KLF7: variants seen among roughly 807,000 people sequenced by gnomAD.
The protein encoded by KLF7 is KLF transcription factor 7, also known as Krueppel-like factor 7.
KLF7 carries 2 observed loss-of-function variants against 27.3 expected under a neutral mutation model. The ratio of observed to expected loss-of-function variants is 0.07; its 90% CI spans 0.03 to 0.23. KLF7 has a LOEUF of 0.23. KLF7 is among the 10% of genes least tolerant of loss of function. The probability of loss-of-function intolerance (pLI) is 1.00; values close to 1 mark genes in which losing one functional copy is unlikely to be tolerated. For missense variants in KLF7, 221 were observed against 394.1 expected, an observed-to-expected ratio of 0.56 and a Z score of 3.72; for synonymous variants, 165 against 162.4, an observed-to-expected ratio of 1.02 and a Z score of -0.12.
intron 2 of KLF7, among the ~76,000 whole-genome samples, chr2:207,119,672 T>C (rs2077283724): frequency 6.6e-6 from 1 of 152,294 alleles, no homozygotes. Flanking sequence ...CTAGGTGCTC[T>C]TCCCAATGAA....
At position 207,080,717 on chromosome 2, in the gene KLF7, C is replaced by T; in HGVS notation, c.*496G>A. On this transcript the variant is annotated 3_prime_UTR_variant, in exon 4 of 4. Coordinates refer to ENST00000309446, the MANE Select transcript of KLF7 (RefSeq NM_003709.4). ...GCAATTTGGTTTTCTAGGTCATTTT[C>T]CCCCAACTATTTAAAAAGAAACATT... 1 of 397,938 alleles carries T rather than the reference C, an allele frequency of 2.5e-6. No individual in the cohort carries two copies. The highest frequency in any genetic ancestry group is 3.6e-5 in the East Asian group (1 of 28,066). The allele number at this position is 397,938 out of a possible 1,614,324, so 24.7% of individuals were successfully genotyped here.
At chr2:207,156,393 C>G (rs1236652881) in intron 1 of KLF7, among the ~76,000 whole-genome samples, 1 of 152,210 alleles carries the variant, frequency 6.6e-6, no homozygotes, top group Non-Finnish European at 1.5e-5. Context: ...TCTTTATAAA[C>G]AGAGTCTACT....
intron 2 of KLF7, among the ~76,000 whole-genome samples, chr2:207,119,655 G>T (rs957856466): frequency 6.6e-6 from 1 of 152,128 alleles, no homozygotes; most frequent in African/African-American, 2.4e-5. Flanking sequence ...TTACACTCAT[G>T]CCAACACTAG....
chr2:207,157,416 G>A (rs1466304099), intron 1 of KLF7, among the ~76,000 whole-genome samples: 1 of 105,236 alleles, frequency 9.5e-6, no homozygotes, highest in East Asian at 5.8e-4. Context: ...AGGAAGGGGA[G>A]AGGGAGGAAG....
chr2:207,086,976 T>C (rs990424860), intron 3 of KLF7, among the ~76,000 whole-genome samples: 10 of 152,318 alleles, frequency 6.6e-5, no homozygotes, highest in Middle Eastern at 3.4e-3. Flanking sequence ...GGCTTCTTTA[T>C]TAGCCAGAGT....
rs2105988750 is a variant in KLF7, at chr2:207,124,251, C to T, written c.256G>A (p.Ala86Thr). ...RLDPLLLPVE[A>T]AICEKSSAVD... ...GCCGAGCTCTTCTCACAGATGGCCG[C>T]TTCCACGGGGAGCAGCAGGGGGTCT... The change falls in exon 2 of 4, where the codon GCG (alanine) becomes ACG (threonine). Residue 86 changes from alanine to threonine, a missense_variant. By Grantham distance (58) the Ala-to-Thr change is moderately conservative (BLOSUM62 0). This residue lies in a region of KLF7 where 180 missense variants were observed against 227.9 expected (regional missense o/e 0.79). Transcript: ENST00000309446. 6.2e-7 allele frequency: 1 copy of T among 1,614,096 alleles called. No homozygotes were observed. The highest frequency in any genetic ancestry group is 2.2e-5 in the East Asian group (1 of 44,862).
At chr2:207,153,385 T>A (rs2078297696) in intron 1 of KLF7, among the ~76,000 whole-genome samples, 1 of 152,088 alleles carries the variant, frequency 6.6e-6, no homozygotes, top group Non-Finnish European at 1.5e-5. Context: ...AGGTTCAGAG[T>A]CAGACATTTT....
At chr2:207,166,777 C>T (rs972871976), upstream of KLF7, 5 of 990,478 alleles carry the variant, frequency 5.0e-6, no homozygotes, top group Admixed American at 6.1e-5. Context: ...GCAGAAAAGG[C>T]ATCCAGGGCC....
At chr2:207,124,995 A>G (rs2077442467) in intron 1 of KLF7, among the ~76,000 whole-genome samples, 1 of 152,216 alleles carries the variant, frequency 6.6e-6, no homozygotes, top group Non-Finnish European at 1.5e-5. Flanking sequence ...TGTTCTAAAG[A>G]ATGTCTACCA....
At chr2:207,089,707 G>C (rs1449681798) in intron 2 of KLF7, among the ~76,000 whole-genome samples, 2 of 152,004 alleles carry the variant, frequency 1.3e-5, no homozygotes, top group African/African-American at 2.4e-5. Flanking sequence ...ACCTCTGTGT[G>C]TCTCTGTTTT....
At position 207,075,284 on chromosome 2, in the gene KLF7, AAAT is replaced by A. The variant is rs1258225141; in HGVS notation, c.*5926_*5928del. 3 of 151,230 alleles carry A rather than the reference AAAT, an allele frequency of 2.0e-5. No individual in the cohort carries two copies. Among genetic ancestry groups the A allele is most frequent in the East Asian group, 1.9e-4 (1 of 5,188 alleles). 9.4% of individuals were successfully genotyped at this position (151,230 alleles called of 1,614,324 possible). On this transcript the variant is annotated 3_prime_UTR_variant, in exon 4 of 4. Transcript: ENST00000309446. ...TTAACATACCACCATCATATAATACAAATAATAGTTTTAAATCTTAAGACTTTT... is the reference window on the plus strand; with the variant it reads ...TTAACATACCACCATCATATAATACAAATAGTTTTAAATCTTAAGACTTTT...
intron 1 of KLF7, among the ~76,000 whole-genome samples, chr2:207,138,260 T>C (rs1326964426): frequency 1.3e-5 from 2 of 152,226 alleles, no homozygotes; most frequent in Non-Finnish European, 2.9e-5. Context: ...GAAAATCTAA[T>C]TTCCAATCCA....
rs1459193946 is a variant in KLF7, at chr2:207,124,040, G to A, written c.467C>T (p.Ser156Phe). 6.2e-7 allele frequency: 1 copy of A among 1,614,202 alleles called. No homozygotes were observed. Among genetic ancestry groups the A allele is most frequent in the Admixed American group, 1.7e-5 (1 of 60,024 alleles). ...CAACGTCACCGTGCCATCCACGGCA[G>A]AGAGAGTTTGTGAGGTTTTGACCAG... Reference protein sequence around the residue: ...RHLVKTSQTLSAVDGTVTLKL... With the variant: ...RHLVKTSQTLFAVDGTVTLKL... Residue 156 changes from serine to phenylalanine, a missense_variant, in exon 2 of 4, where the codon TCT (serine) becomes TTT (phenylalanine). Coordinates refer to ENST00000309446, the MANE Select transcript of KLF7 (RefSeq NM_003709.4).
At chr2:207,108,182 A>G (rs751645941) in intron 2 of KLF7, among the ~76,000 whole-genome samples, 3 of 152,208 alleles carry the variant, frequency 2.0e-5, no homozygotes. Context: ...CACACCAGGA[A>G]AACCACAAAA....
intron 2 of KLF7, among the ~76,000 whole-genome samples, chr2:207,112,435 C>A (rs1185386511): frequency 1.3e-5 from 2 of 152,122 alleles, no homozygotes; most frequent in African/African-American, 4.8e-5. Context: ...GGTGGAAGGG[C>A]TTGTAGCTCA....
At chr2:207,157,219 T>TAAAAAAAAAA (rs5838052) in intron 1 of KLF7, among the ~76,000 whole-genome samples, 3 of 87,312 alleles carry the variant, frequency 3.4e-5, no homozygotes, top group Non-Finnish European at 4.5e-5. Context: ...AACAGAAAAG[T>TAAAAAAAAAA]AAAAAAAAAA....
chr2:207,162,171 A>T (rs2078568713), intron 1 of KLF7, among the ~76,000 whole-genome samples: 1 of 148,628 alleles, frequency 6.7e-6, no homozygotes, highest in South Asian at 2.1e-4. Flanking sequence ...CAGTGTGTCT[A>T]AAAAAAAAGA....
intron 2 of KLF7, among the ~76,000 whole-genome samples, chr2:207,088,922 AC>A (rs978633476): frequency 6.6e-6 from 1 of 152,158 alleles, no homozygotes; most frequent in African/African-American, 2.4e-5. Context: ...TTTCACCCCC[AC>A]AGTCCAGGCA....
In KLF7 at chr2:207,150,301, C is replaced by T. The variant is rs116504628; in HGVS notation, c.102+15166G>A. 2.4e-3 allele frequency among the ~76,000 whole-genome samples: 372 copies of T among 152,296 alleles called. 2 individuals carry two copies. Among genetic ancestry groups the T allele is most frequent in the Non-Finnish European group, 4.2e-3 (289 of 68,016 alleles). On this transcript the variant is annotated intron_variant, in intron 1 of 3. Coordinates refer to ENST00000309446, the MANE Select transcript of KLF7 (RefSeq NM_003709.4). ...TAAAGCAAACACACATGAATACACA[C>T]GAAATAAATTACAAAGTTTTACGTC...
Sources: allele counts gnomAD v4.1 joint callset (sites outside exome capture counted in the v4.1 genomes callset), GRCh38; gene constraint gnomAD v4.1.1; regional missense constraint gnomAD v4.1.1; transcripts MANE v1.5; gene names NCBI Gene and HGNC (gene_info 2026-07-23, HGNC 2026-07-21).